SETD1A: variants seen among roughly 807,000 people sequenced by gnomAD.
SETD1A encodes SET domain containing 1A, histone lysine methyltransferase, also known as histone-lysine N-methyltransferase SETD1A.
A neutral mutation model predicts 149.9 loss-of-function variants in SETD1A; 29 were observed. That is an observed-to-expected ratio of 0.19 (90% confidence interval 0.14 to 0.26). The LOEUF is 0.26. SETD1A is among the 10% of genes least tolerant of loss of function. The probability of loss-of-function intolerance (pLI) is 1.00; values close to 1 mark genes in which losing one functional copy is unlikely to be tolerated. For synonymous variants in SETD1A, 1,141 were observed against 968.5 expected, an observed-to-expected ratio of 1.18 and a Z score of -3.31; for missense variants, 2,109 against 2,353.1, an observed-to-expected ratio of 0.90 and a Z score of 2.15.
In SETD1A at chr16:30,979,327, C is replaced by T; in HGVS notation, c.3541C>T (p.Pro1181Ser). Residue 1181 changes from proline (P) to serine (S), a missense_variant, in exon 14 of 19, where the codon CCC becomes TCC. This residue lies in a region of SETD1A where 832 missense variants were observed against 815.6 expected (regional missense o/e 1.02). Coordinates refer to ENST00000262519, the MANE Select transcript of SETD1A (RefSeq NM_014712.3). ...CATCGAGGTGGTGCCAGCCCCGGAGCCCCCTCCAGCCACACCGCCGCAGGC... is the reference window on the plus strand; with the variant it reads ...CATCGAGGTGGTGCCAGCCCCGGAGTCCCCTCCAGCCACACCGCCGCAGGC... ...SAIEVVPAPEPPPATPPQAKF... is the reference protein window; with the variant it reads ...SAIEVVPAPESPPATPPQAKF... 3 of 1,613,290 alleles carry T rather than the reference C, an allele frequency of 1.9e-6. No homozygotes were observed. The highest frequency in any genetic ancestry group is 2.5e-6 in the Non-Finnish European group (3 of 1,179,704).
chr16:30,959,591 C>T (rs1210788412), intron 3 of SETD1A, among the ~76,000 whole-genome samples: 4 of 152,114 alleles, frequency 2.6e-5, no homozygotes, highest in African/African-American at 9.7e-5. Context: ...ATGTCATTTC[C>T]CTCTTGTTTC....
At position 30,979,366 on chromosome 16, in the gene SETD1A, C is replaced by T. The variant is rs751689881; in HGVS notation, c.3580C>T (p.Pro1194Ser). Residue 1194 changes from proline to serine, a missense_variant, in exon 14 of 19, where the codon CCA becomes TCA. Pro to Ser is a moderately conservative substitution (Grantham distance 74). Coordinates refer to ENST00000262519, the MANE Select transcript of SETD1A (RefSeq NM_014712.3). Reference protein sequence around the residue: ...ATPPQAKFPGPASRKAPRGVE... With the variant: ...ATPPQAKFPGSASRKAPRGVE... ...ACCGCCGCAGGCCAAGTTTCCCGGC[C>T]CAGCCTCCCGCAAGGCTCCCCGGGG... 1.3e-5 allele frequency: 21 copies of T among 1,612,788 alleles called. No homozygotes were observed. In the Admixed American group the frequency reaches 1.7e-4, roughly 13 times the overall value.
At chr16:30,968,627 C>T (rs964642041) in intron 10 of SETD1A, among the ~76,000 whole-genome samples, 37 of 151,768 alleles carry the variant, frequency 2.4e-4, no homozygotes, top group African/African-American at 8.9e-4. Flanking sequence ...ATGGTGAAAC[C>T]CCGTCTCTAC....
At position 30,961,586 on chromosome 16, in the gene SETD1A, G is replaced by A. The variant is rs751315306; in HGVS notation, c.517+49G>A. The A allele has an allele frequency of 1.6e-5, 25 of 1,588,122 alleles. No homozygotes were observed. The highest frequency in any genetic ancestry group is 5.4e-5 in the African/African-American group (4 of 73,580). The stretch of plus-strand genomic sequence containing the variant: ...TCAGGCTTGGCCTCCAGCGGAGGTT[G>A]TACATGCAAATGCCTGTCAGGGTCA... On this transcript the variant is annotated intron_variant, in intron 4 of 18. Coordinates refer to ENST00000262519, the MANE Select transcript of SETD1A (RefSeq NM_014712.3). The surrounding 1 kb of genome is among the most constrained non-coding windows in gnomAD (Gnocchi z 4.0).
chr16:30,960,685 T>G (rs1450405283), intron 3 of SETD1A, among the ~76,000 whole-genome samples: 3 of 151,208 alleles, frequency 2.0e-5, no homozygotes, highest in Non-Finnish European at 3.0e-5. Context: ...GCTCGTTCTC[T>G]CCACGTATAT....
chr16:30,979,045 G>C (rs997923347), intron 13 of SETD1A, 100 bp from the exon 14 acceptor site: 46 of 1,235,570 alleles, frequency 3.7e-5, no homozygotes, highest in Non-Finnish European at 5.0e-5. Flanking sequence ...GTTCCTGGGC[G>C]GAAGTGGGGG....
chr16:30,979,927 A>G lies in SETD1A; in HGVS notation c.4141A>G (p.Ser1381Gly). The change falls in exon 14 of 19, where the codon AGC becomes GGC. Residue 1381 changes from serine to glycine, a missense_variant. Ser to Gly is a moderately conservative substitution (Grantham distance 56). Around this residue, in one of 8 missense-constraint regions of SETD1A, gnomAD observed 832 missense variants for 815.6 expected, o/e 1.02. Transcript: ENST00000262519. ...EEEEESSDSS[S>G]SSDGEGALRR... ...GGAGGAGGAGTCCTCTGACAGCAGC[A>G]GCAGCAGCGATGGGGAGGGCGCCCT... is the stretch of plus-strand genomic sequence containing the variant. 6.5e-7 allele frequency: 1 copy of G among 1,534,322 alleles called. No individual in the cohort carries two copies. Among genetic ancestry groups the G allele is most frequent in the Middle Eastern group, 2.3e-4 (1 of 4,388 alleles).
rs765201894 is a variant in SETD1A, at chr16:30,979,153, G to A, written c.3367G>A (p.Glu1123Lys). 1.2e-5 allele frequency: 19 copies of A among 1,567,214 alleles called. No homozygotes were observed. Among genetic ancestry groups the A allele is most frequent in the Non-Finnish European group, 1.6e-5 (19 of 1,156,922 alleles). ...ASPARPAGPT[E>K]ESPPSAPLRP... ...ATGTGCTTCCTTCCCAGGCCCCACGGAGGAGTCACCCCCCAGTGCGCCTCT... is the reference window on the plus strand; with the variant it reads ...ATGTGCTTCCTTCCCAGGCCCCACGAAGGAGTCACCCCCCAGTGCGCCTCT... Residue 1123 changes from glutamate to lysine, a missense_variant, in exon 14 of 19, where the codon GAG becomes AAG. Coordinates refer to ENST00000262519, the MANE Select transcript of SETD1A (RefSeq NM_014712.3).
At chr16:30,976,038 C>T (rs1182355983) in intron 13 of SETD1A, among the ~76,000 whole-genome samples, 1 of 118,666 alleles carries the variant, frequency 8.4e-6, no homozygotes, top group African/African-American at 3.1e-5. Flanking sequence ...GGGTGTTGTG[C>T]CTGAGTCCTC....
Position 30,965,876 on chromosome 16 carries a change from C to T in SETD1A, c.1995C>T (p.Leu665=). ...HIYDFVNSLE[L]MDRLGAQWGG... ...ATGACTTTGTGAACTCCTTGGAGCT[C>T]ATGGACCGACTTGGGGCTCAGTGGG... The change falls in exon 8 of 19, where the codon CTC becomes CTT. Residue 665 remains leucine, a synonymous_variant. Transcript: ENST00000262519. 1.2e-6 allele frequency: 2 copies of T among 1,612,616 alleles called. No individual in the cohort carries two copies. The highest frequency in any genetic ancestry group is 8.5e-7 in the Non-Finnish European group (1 of 1,179,504).
At chr16:30,960,979 G>T (rs1186257062) in intron 3 of SETD1A, among the ~76,000 whole-genome samples, 1 of 151,898 alleles carries the variant, frequency 6.6e-6, no homozygotes, top group Non-Finnish European at 1.5e-5. Context: ...CTGACTTCTG[G>T]TGATCCGTCC....
At chr16:30,959,220 C>T (rs1278648566) in intron 3 of SETD1A, 34 bp downstream of exon 3, 1 of 1,364,204 alleles carries the variant, frequency 7.3e-7, no homozygotes, top group Admixed American at 1.7e-5. Context: ...TGTGGTAGTC[C>T]TAAGAGGGTG....
At position 30,971,694 on chromosome 16, in the gene SETD1A, G is replaced by A; in HGVS notation, c.3333G>A (p.Gln1111=). Residue 1111 remains glutamine, a synonymous_variant, in exon 13 of 19, where the codon CAG becomes CAA. Coordinates refer to ENST00000262519, the MANE Select transcript of SETD1A (RefSeq NM_014712.3). ...AGSPVTPLPE[Q]EASPARPAGP... ...CCCCAGTCACACCCCTGCCCGAACA[G>A]GAGGCGTCTCCAGCAAGGCCTGCAG... The A allele has an allele frequency of 2.5e-6, 4 of 1,580,902 alleles. No individual in the cohort carries two copies. Among genetic ancestry groups the A allele is most frequent in the South Asian group, 2.3e-5 (2 of 87,756 alleles).
chr16:30,969,331 G>A lies in SETD1A; in HGVS notation c.2797G>A (p.Glu933Lys), dbSNP rs1277521812. The A allele has an allele frequency of 6.2e-7, 1 of 1,614,140 alleles. No individual in the cohort carries two copies. Among genetic ancestry groups the A allele is most frequent in the Admixed American group, 1.7e-5 (1 of 60,020 alleles). ...CCCTGAACAAGAGAAGGAGGCTGGA[G>A]AGCCAGGACGTCCGGGGACCAAGCC... ...DDPEQEKEAGEPGRPGTKPPK... is the reference protein window; with the variant it reads ...DDPEQEKEAGKPGRPGTKPPK... The change falls in exon 11 of 19, where the codon GAG (glutamate) becomes AAG (lysine). Residue 933 changes from glutamate to lysine, a missense_variant. Physicochemically the swap from Glu to Lys is moderately conservative, Grantham distance 56. Transcript: ENST00000262519.
rs74870279 is a variant in SETD1A at position 30,967,627 on chromosome 16, G to C, written c.2770+39G>C. ...GGCATAAGGAGAAGGGGTGTGCTGCGTGGGTTCTGATGGGAGAGCAAGAGG... is the reference window on the plus strand; with the variant it reads ...GGCATAAGGAGAAGGGGTGTGCTGCCTGGGTTCTGATGGGAGAGCAAGAGG... On this transcript the variant is annotated intron_variant, in intron 10 of 18. Transcript: ENST00000262519. 10 of 1,572,726 alleles carry C rather than the reference G, an allele frequency of 6.4e-6. No homozygotes were observed. The African/African-American group carries it at 8.1e-5, about 13-fold the overall frequency.
chr16:30,979,253 C>T lies in SETD1A; in HGVS notation c.3467C>T (p.Pro1156Leu). The T allele has an allele frequency of 1.2e-6, 2 of 1,610,666 alleles. No homozygotes were observed. The highest frequency in any genetic ancestry group is 8.5e-7 in the Non-Finnish European group (1 of 1,178,020). Residue 1156 changes from proline to leucine, a missense_variant, in exon 14 of 19, where the codon CCC (proline) becomes CTC (leucine). Coordinates refer to ENST00000262519, the MANE Select transcript of SETD1A (RefSeq NM_014712.3). ...RPDERPSSPI[P>L]LLPPPKKRRK... Reference sequence around the variant, plus strand: ...GATGAGCGTCCCTCTTCTCCCATCCCCCTCCTGCCCCCACCCAAGAAACGC... The same window carrying T: ...GATGAGCGTCCCTCTTCTCCCATCCTCCTCCTGCCCCCACCCAAGAAACGC...
In SETD1A at chr16:30,971,648, T is replaced by G. The variant is rs778429807; in HGVS notation, c.3287T>G (p.Val1096Gly). ...ACGCCAGCACCTGTGGAGGTGCCAGTGCCGGAAAGGGTTGCAGGCTCCCCA... is the reference window on the plus strand; with the variant it reads ...ACGCCAGCACCTGTGGAGGTGCCAGGGCCGGAAAGGGTTGCAGGCTCCCCA... Reference protein sequence around the residue: ...VPTPAPVEVPVPERVAGSPVT... With the variant: ...VPTPAPVEVPGPERVAGSPVT... Residue 1096 changes from valine (V) to glycine (G), a missense_variant, in exon 13 of 19, where the codon GTG becomes GGG. Physicochemically the swap from Val to Gly is moderately radical, Grantham distance 109. Around this residue, in one of 8 missense-constraint regions of SETD1A, gnomAD observed 832 missense variants for 815.6 expected, o/e 1.02. Transcript: ENST00000262519. 1.2e-6 allele frequency: 2 copies of G among 1,611,274 alleles called. No homozygotes were observed. The highest frequency in any genetic ancestry group is 4.5e-5 in the East Asian group (2 of 44,792).
At chr16:30,974,187 A>T (rs950669061) in intron 13 of SETD1A, among the ~76,000 whole-genome samples, 2 of 152,134 alleles carry the variant, frequency 1.3e-5, no homozygotes. Flanking sequence ...CAGGAAAAGA[A>T]ACTTGGGAAG....
At position 30,967,287 on chromosome 16, in the gene SETD1A, G is replaced by GGGGTTACAGGCAC. The variant is rs2056161635; in HGVS notation, c.2683-213_2683-201dup. On this transcript the variant is annotated intron_variant, in intron 9 of 18. Coordinates refer to ENST00000262519, the MANE Select transcript of SETD1A (RefSeq NM_014712.3). ...TCCTGCCTCAGCCTCCCGAGTAGCTGGGGTTACAGGCACCCGCCACCACGC... is the reference window on the plus strand; with the variant it reads ...TCCTGCCTCAGCCTCCCGAGTAGCTGGGGTTACAGGCACGGGTTACAGGCACCCGCCACCACGC... Among the ~76,000 whole-genome samples the GGGGTTACAGGCAC allele has an allele frequency of 4.6e-5, 7 of 152,254 alleles. No individual in the cohort carries two copies. The South Asian group carries it at 1.5e-3, about 32-fold the overall frequency.
Sources: allele counts gnomAD v4.1 joint callset (sites outside exome capture counted in the v4.1 genomes callset), GRCh38; gene constraint gnomAD v4.1.1; regional missense constraint gnomAD v4.1.1; non-coding constraint Gnocchi (gnomAD v3.1); transcripts MANE v1.5; gene names NCBI Gene and HGNC (gene_info 2026-07-23, HGNC 2026-07-21).